CCDC178: variants seen among roughly 807,000 people sequenced by gnomAD.
The protein encoded by CCDC178 is coiled-coil domain containing 178, also known as coiled-coil domain-containing protein 178.
CCDC178 carries 126 observed loss-of-function variants against 117.4 expected under a neutral mutation model. That is an observed-to-expected ratio of 1.07 (90% CI 0.93 to 1.24). The LOEUF (loss-of-function observed/expected upper bound fraction) is 1.24, where lower values mean the gene tolerates loss of function less well. CCDC178 is among the 50% of genes most tolerant of loss of function. CCDC178 has a pLI of 0.00. For synonymous variants in CCDC178, 283 were observed against 313.4 expected (o/e 0.90, Z 1.02); for missense variants, 1,030 against 986.9 (o/e 1.04, Z -0.59).
intron 12 of CCDC178, among the ~76,000 whole-genome samples, chr18:33,282,437 T>C (rs562641161): frequency 6.6e-6 from 1 of 152,168 alleles, no homozygotes; most frequent in East Asian, 1.9e-4. Context: ...AAGCTGGTCC[T>C]GCACATCAGA....
chr18:33,087,476 T>C (rs16964238), intron 21 of CCDC178, among the ~76,000 whole-genome samples: 21,565 of 151,964 alleles, frequency 0.14, 2,377 homozygotes, highest in African/African-American at 0.31. Context: ...TGCAAACTTA[T>C]CAGTCTATAA....
intron 5 of CCDC178, among the ~76,000 whole-genome samples, chr18:33,371,273 ATG>A (rs80142069): frequency 4.2e-4 from 64 of 151,564 alleles, no homozygotes; most frequent in Middle Eastern, 6.8e-3. Flanking sequence ...TCTCTCATAT[ATG>A]TGTGTGTGTG....
intron 20 of CCDC178, among the ~76,000 whole-genome samples, chr18:33,112,405 A>G (rs2057796088): frequency 6.6e-6 from 1 of 151,914 alleles, no homozygotes; most frequent in Admixed American, 6.6e-5. Context: ...ATAAAATTCA[A>G]AGTAGAAGCG....
At chr18:33,038,142 T>G (rs1377910261) in intron 21 of CCDC178, among the ~76,000 whole-genome samples, 3 of 151,954 alleles carry the variant, frequency 2.0e-5, no homozygotes, top group African/African-American at 7.2e-5. Context: ...CAGAGCAAAC[T>G]ACTATAGACA....
At chr18:33,242,925 T>C (rs1033593896) in intron 15 of CCDC178, among the ~76,000 whole-genome samples, 7 of 151,834 alleles carry the variant, frequency 4.6e-5, no homozygotes, top group African/African-American at 1.4e-4. Context: ...AGGAAATTCA[T>C]ATATTGAAGA....
chr18:33,161,982 G>C (rs1008469714), intron 20 of CCDC178, among the ~76,000 whole-genome samples: 1 of 152,084 alleles, frequency 6.6e-6, no homozygotes, highest in Non-Finnish European at 1.5e-5. Flanking sequence ...TAGATCCCTG[G>C]GGAATCGCCA....
intron 21 of CCDC178, among the ~76,000 whole-genome samples, chr18:33,051,247 T>G (rs1375249617): frequency 2.6e-5 from 4 of 152,032 alleles, no homozygotes; most frequent in Admixed American, 1.3e-4. Context: ...CATTCATTAT[T>G]AGAAACAAAG....
chr18:33,165,499 A>T (rs570705653), intron 20 of CCDC178, among the ~76,000 whole-genome samples: 2 of 152,296 alleles, frequency 1.3e-5, no homozygotes, highest in African/African-American at 4.8e-5. Context: ...GGGGTCCTAG[A>T]ACCAATCCCC....
rs750171342 is a variant in CCDC178 at position 33,227,532 on chromosome 18, ATGTGTGTG to A, written c.1594-685_1594-678del. 1.2e-3 allele frequency among the ~76,000 whole-genome samples: 149 copies of A among 121,670 alleles called. 1 individual carries two copies. The highest frequency in any genetic ancestry group is 3.3e-3 in the African/African-American group (111 of 33,650). The allele number at this position is 121,670 out of a possible 152,430, so 79.8% of individuals were successfully genotyped here. On this transcript the variant is annotated intron_variant, in intron 15 of 22. Coordinates refer to ENST00000383096, the MANE Select transcript of CCDC178 (RefSeq NM_001105528.4). ...TCCTCCAGATTCAAAAGATATATGTATGTGTGTGTGTGTGTGTGTGTGTGTATATATAT... is the reference window on the plus strand; with the variant it reads ...TCCTCCAGATTCAAAAGATATATGTATGTGTGTGTGTGTGTGTATATATAT...
At chr18:33,366,040 C>A (rs1476063679) in intron 6 of CCDC178, among the ~76,000 whole-genome samples, 1 of 152,014 alleles carries the variant, frequency 6.6e-6, no homozygotes, top group Non-Finnish European at 1.5e-5. Context: ...TTGCTGCTAA[C>A]CACAGGCGTC....
chr18:33,179,112 C>CTA lies in CCDC178; in HGVS notation c.2238+32782_2238+32783dup, dbSNP rs554694009. Among the ~76,000 whole-genome samples, 85 of 43,510 alleles carry CTA rather than the reference C, an allele frequency of 2.0e-3. 2 individuals carry two copies. The East Asian group carries it at 0.027, about 14-fold the overall frequency. The allele number at this position is 43,510 out of a possible 152,430, so 28.5% of individuals were successfully genotyped here. A position where few individuals can be genotyped will look rare whatever the true frequency, so the allele number is the denominator to read the frequency against. ...ATATATATATATATATATATATAAA[C>CTA]TATATATATATATATAAACTATATA... On this transcript the variant is annotated intron_variant, in intron 20 of 22. Transcript: ENST00000383096.
chr18:33,347,338 T>A (rs544998614), intron 8 of CCDC178, among the ~76,000 whole-genome samples: 51 of 152,316 alleles, frequency 3.3e-4, no homozygotes, highest in African/African-American at 1.2e-3. Flanking sequence ...GATTTTCTGC[T>A]AGATGGGAGT....
chr18:33,323,955 G>A lies in CCDC178; in HGVS notation c.880-322C>T, dbSNP rs987147884. ...AATCAGAAAACAAAGATGAAATATC[G>A]CAAACAAAGTGACCTGTACTCCTCT... On this transcript the variant is annotated intron_variant, in intron 10 of 22. Coordinates refer to ENST00000383096, the MANE Select transcript of CCDC178 (RefSeq NM_001105528.4). 6.6e-5 allele frequency among the ~76,000 whole-genome samples: 10 copies of A among 151,564 alleles called. No homozygotes were observed. In the East Asian group the frequency reaches 1.4e-3, roughly 21 times the overall value.
At chr18:33,082,228 T>A (rs1196097801) in intron 21 of CCDC178, among the ~76,000 whole-genome samples, 1 of 152,124 alleles carries the variant, frequency 6.6e-6, no homozygotes, top group African/African-American at 2.4e-5. Context: ...CCCAGCACTT[T>A]GGGAGGCCGA....
intron 21 of CCDC178, among the ~76,000 whole-genome samples, chr18:33,021,309 C>A (rs1398654411): frequency 6.6e-6 from 1 of 152,140 alleles, no homozygotes; most frequent in African/African-American, 2.4e-5. Flanking sequence ...TGTTCTGAAT[C>A]TTTTTCTACC....
intron 21 of CCDC178, among the ~76,000 whole-genome samples, chr18:33,037,101 C>T (rs2056458996): frequency 6.6e-6 from 1 of 151,408 alleles, no homozygotes; most frequent in Non-Finnish European, 1.5e-5. Flanking sequence ...CACCTTAATC[C>T]ACACATATAA....
At chr18:33,390,983 T>C (rs2063556906) in intron 4 of CCDC178, among the ~76,000 whole-genome samples, 1 of 151,146 alleles carries the variant, frequency 6.6e-6, no homozygotes, top group East Asian at 1.9e-4. Flanking sequence ...AAGCATAAAA[T>C]AAGGCAAAAG....
chr18:32,974,709 A>T (rs1300983657), intron 21 of CCDC178, 28 bp from the exon 22 acceptor site: 1 of 1,608,172 alleles, frequency 6.2e-7, no homozygotes, highest in Non-Finnish European at 8.5e-7. Context: ...GGGAGAAAAC[A>T]CAAGTCAGAG....
intron 21 of CCDC178, among the ~76,000 whole-genome samples, chr18:33,051,702 A>G (rs781678157): frequency 2.0e-5 from 3 of 152,214 alleles, no homozygotes; most frequent in Non-Finnish European, 1.5e-5. Context: ...GACAGCCAGA[A>G]AGATTTTTGC....
Sources: allele counts gnomAD v4.1 joint callset (sites outside exome capture counted in the v4.1 genomes callset), GRCh38; gene constraint gnomAD v4.1.1; transcripts MANE v1.5; gene names NCBI Gene and HGNC (gene_info 2026-07-23, HGNC 2026-07-21).